The following RUFY2 variants were observed in gnomAD, a reference collection of about 807,000 sequenced individuals.
RUFY2 encodes RUN and FYVE domain containing 2.
In RUFY2, 49 loss-of-function variants were observed where a neutral mutation model predicts 94.4. The ratio of observed to expected loss-of-function variants is 0.52; its 90% CI spans 0.41 to 0.66. The LOEUF (loss-of-function observed/expected upper bound fraction) is 0.66. Among genes scored for constraint, RUFY2 ranks in the 30% least tolerant of loss-of-function variants. The pLI, the probability that RUFY2 is intolerant of heterozygous loss-of-function variation, is 0.00. For missense variants in RUFY2, 541 were observed against 692.8 expected (o/e 0.78, Z 2.46); for synonymous variants, 255 against 235.7 (o/e 1.08, Z -0.75).
At chr10:68,398,443 G>A (rs1302542114) in intron 3 of RUFY2, among the ~76,000 whole-genome samples, 1 of 152,096 alleles carries the variant, frequency 6.6e-6, no homozygotes, top group Non-Finnish European at 1.5e-5. Flanking sequence ...CTTGAGGTCA[G>A]GAGTTCATGA....
rs2048729798 is a variant in RUFY2 at position 68,377,093 on chromosome 10, T to C, written c.1206-121A>G. ...AACATTTCTAAATGAAAACAAAGTT[T>C]GGGGGAAAACTCACAAACTCAAACG... On this transcript the variant is annotated intron_variant, in intron 12 of 17. Transcript: ENST00000602465. 1.2e-5 allele frequency: 19 copies of C among 1,529,404 alleles called. 1 individual carries two copies. In the South Asian group the frequency reaches 2.2e-4, roughly 18 times the overall value. The allele number at this position is 1,529,404 out of a possible 1,614,324, so 94.7% of individuals were successfully genotyped here.
At chr10:68,367,602 G>A (rs561937354) in intron 13 of RUFY2, among the ~76,000 whole-genome samples, 20 of 152,176 alleles carry the variant, frequency 1.3e-4, no homozygotes, top group African/African-American at 4.3e-4. Context: ...CTACAGGTGT[G>A]TGCCACAACA....
intron 12 of RUFY2, chr10:68,378,807 A>G (rs948589381): frequency 3.3e-5 from 20 of 606,320 alleles, no homozygotes; most frequent in Non-Finnish European, 5.7e-5. Context: ...ATGTCAATAA[A>G]GCATTAATAG....
chr10:68,378,586 C>T (rs1369938454), intron 12 of RUFY2: 13 of 1,607,680 alleles, frequency 8.1e-6, no homozygotes, highest in African/African-American at 1.3e-5. Context: ...CTTTAACCAG[C>T]TTGTACTGGT....
intron 3 of RUFY2, among the ~76,000 whole-genome samples, chr10:68,400,031 C>T (rs1375351587): frequency 1.3e-5 from 2 of 152,226 alleles, no homozygotes; most frequent in Admixed American, 1.3e-4. Flanking sequence ...CCGCCCACCT[C>T]GGCCTCCCAA....
At chr10:68,349,340 G>T (rs1431716173) in intron 16 of RUFY2, among the ~76,000 whole-genome samples, 1 of 151,810 alleles carries the variant, frequency 6.6e-6, no homozygotes, top group African/African-American at 2.4e-5. Context: ...ACACAGTGAG[G>T]CCCCCACCAT....
At chr10:68,388,304 A>G (rs1399351530) in intron 7 of RUFY2, among the ~76,000 whole-genome samples, 1 of 151,786 alleles carries the variant, frequency 6.6e-6, no homozygotes, top group Non-Finnish European at 1.5e-5. Context: ...CTCTACTAAA[A>G]ATACAAAAAT....
At chr10:68,362,200 G>A (rs888020356) in intron 15 of RUFY2, among the ~76,000 whole-genome samples, 15 of 152,112 alleles carry the variant, frequency 9.9e-5, no homozygotes, top group African/African-American at 1.2e-4. Context: ...GGTGGTGTGC[G>A]TCTGTGGTCC....
intron 13 of RUFY2, among the ~76,000 whole-genome samples, chr10:68,370,588 A>G (rs560529507): frequency 1.9e-4 from 29 of 151,916 alleles, no homozygotes; most frequent in African/African-American, 6.7e-4. Flanking sequence ...TCAGGTTCAC[A>G]GTGAGCCAGG....
At chr10:68,399,880 C>T (rs1342175809) in intron 3 of RUFY2, among the ~76,000 whole-genome samples, 1 of 152,120 alleles carries the variant, frequency 6.6e-6, no homozygotes, top group Non-Finnish European at 1.5e-5. Context: ...CTCCCGGGTT[C>T]AAGCAATTCT....
intron 8 of RUFY2, among the ~76,000 whole-genome samples, chr10:68,385,218 C>T (rs951207769): frequency 4.0e-5 from 6 of 151,266 alleles, no homozygotes; most frequent in Admixed American, 6.6e-5. Flanking sequence ...GAGCCGAGAT[C>T]GCGCCACTGC....
Position 68,393,201 on chromosome 10 carries a change from T to C in RUFY2, c.587A>G (p.Asn196Ser), listed in dbSNP as rs2050133609. ...GTCTAATATGGCAGCAATTTGAACA[T>C]TCCTAAATGAGGAAAAAAGTAGCTT... ...NEEDIGNKER[N>S]VQIAAILDQK... The change falls in exon 7 of 18, where the codon AAT becomes AGT. Residue 196 changes from asparagine (N) to serine (S), a missense_variant and splice_region_variant. Coordinates refer to ENST00000602465, the MANE Select transcript of RUFY2 (RefSeq NM_001330103.2). 1 of 1,541,570 alleles carries C rather than the reference T, an allele frequency of 6.5e-7. No homozygotes were observed. Among genetic ancestry groups the C allele is most frequent in the Non-Finnish European group, 8.8e-7 (1 of 1,131,118 alleles).
intron 8 of RUFY2, among the ~76,000 whole-genome samples, chr10:68,385,162 G>T (rs1310073718): frequency 6.6e-6 from 1 of 152,040 alleles, no homozygotes; most frequent in East Asian, 1.9e-4. Context: ...TACTCAGGAG[G>T]CTGAGGCAGG....
intron 13 of RUFY2, 150 bp downstream of exon 13, chr10:68,376,703 T>G (rs1685536422): frequency 4.5e-6 from 3 of 660,082 alleles, no homozygotes; most frequent in Non-Finnish European, 7.7e-6. Context: ...TACAATTATA[T>G]TTTCTAAATT....
intron 12 of RUFY2, chr10:68,378,393 C>T (rs2048807520): frequency 2.4e-6 from 3 of 1,238,628 alleles, no homozygotes; most frequent in Non-Finnish European, 3.0e-6. Flanking sequence ...AATCCAAGTG[C>T]ACCCACTCTG....
chr10:68,402,742 C>T (rs2050945846), intron 2 of RUFY2, among the ~76,000 whole-genome samples: 1 of 149,184 alleles, frequency 6.7e-6, no homozygotes, highest in South Asian at 2.1e-4. Context: ...AAAAGAGGAG[C>T]ATGGTTAAAT....
At chr10:68,341,381 G>A (rs1451079274), downstream of RUFY2, 36 of 1,477,066 alleles carry the variant, frequency 2.4e-5, no homozygotes, top group Non-Finnish European at 3.0e-5. Context: ...TCTAAGATCT[G>A]TAGGTAACGC....
chr10:68,384,296 G>A (rs2132852950), intron 8 of RUFY2, 144 bp from the exon 9 acceptor site: 1 of 1,084,574 alleles, frequency 9.2e-7, no homozygotes, highest in Non-Finnish European at 1.2e-6. Context: ...CGTTCATAAG[G>A]AAAACACGCT....
chr10:68,362,783 A>G (rs946388007), intron 15 of RUFY2, among the ~76,000 whole-genome samples: 1 of 143,632 alleles, frequency 7.0e-6, no homozygotes, highest in Admixed American at 6.9e-5. Flanking sequence ...CCTGTCTTTG[A>G]AAAAAAAAAA....
Sources: gnomAD v4.1 joint callset for allele counts (sites outside exome capture counted in the v4.1 genomes callset) on GRCh38, gnomAD v4.1.1 for gene constraint, MANE v1.5 for transcripts, NCBI Gene and HGNC (gene_info 2026-07-23, HGNC 2026-07-21) for gene names.